MANBA: variants seen among roughly 807,000 people sequenced by gnomAD.
MANBA encodes the protein beta-mannosidase.
Under a neutral mutation model 111.1 loss-of-function variants are expected in MANBA, and 83 were observed. The ratio of observed to expected loss-of-function variants is 0.75; its 90% CI spans 0.63 to 0.90. MANBA has a LOEUF of 0.90. Ranked by LOEUF, MANBA falls within the 40% of genes least tolerant of loss-of-function variation. MANBA has a pLI of 0.00. For missense variants in MANBA, 1,036 were observed against 1,069.0 expected (o/e 0.97, Z 0.43); for synonymous variants, 370 against 378.7 (o/e 0.98, Z 0.27).
At chr4:102,693,525 G>C (rs1732576735) in intron 5 of MANBA, among the ~76,000 whole-genome samples, 1 of 152,140 alleles carries the variant, frequency 6.6e-6, no homozygotes, top group African/African-American at 2.4e-5. Context: ...AGCCCTCACT[G>C]GAAACCAAAT....
intron 1 of MANBA, among the ~76,000 whole-genome samples, chr4:102,747,239 G>T (rs957518438): frequency 2.6e-5 from 4 of 152,012 alleles, no homozygotes; most frequent in Non-Finnish European, 5.9e-5. Flanking sequence ...CCATCTGCAA[G>T]CTGAGAAGCA....
At chr4:102,652,576 G>T (rs548692388) in intron 12 of MANBA, among the ~76,000 whole-genome samples, 1 of 152,078 alleles carries the variant, frequency 6.6e-6, no homozygotes, top group South Asian at 2.1e-4. Flanking sequence ...TTTAAAAAAA[G>T]AATATTAACT....
At chr4:102,760,465 A>C (rs1005539512) in intron 1 of MANBA, among the ~76,000 whole-genome samples, 3 of 152,194 alleles carry the variant, frequency 2.0e-5, no homozygotes, top group African/African-American at 7.2e-5. Flanking sequence ...TAGTAGCAAC[A>C]CTGTTCCCCT....
At chr4:102,713,918 A>G (rs1363063726) in intron 5 of MANBA, among the ~76,000 whole-genome samples, 1 of 151,792 alleles carries the variant, frequency 6.6e-6, no homozygotes, top group Non-Finnish European at 1.5e-5. Context: ...AAAAAAAAGA[A>G]AAGAAAAGAA....
chr4:102,709,398 GAA>G (rs760906813), intron 5 of MANBA, among the ~76,000 whole-genome samples: 1 of 93,916 alleles, frequency 1.1e-5, no homozygotes, highest in African/African-American at 3.3e-5. Flanking sequence ...AAGAAAGAAA[GAA>G]AAAAAAGAAA....
intron 1 of MANBA, among the ~76,000 whole-genome samples, chr4:102,759,109 T>A (rs1724135519): frequency 6.6e-6 from 1 of 151,770 alleles, no homozygotes; most frequent in Admixed American, 6.6e-5. Context: ...AGCCACTCAT[T>A]ATTTCCCATT....
At chr4:102,752,635 G>A (rs1723852405) in intron 1 of MANBA, 2 of 582,250 alleles carry the variant, frequency 3.4e-6, no homozygotes, top group East Asian at 4.5e-5. Context: ...TCCATGTGGG[G>A]GCATGAAAGT....
intron 5 of MANBA, among the ~76,000 whole-genome samples, chr4:102,694,172 T>C (rs1226243122): frequency 6.6e-6 from 1 of 152,138 alleles, no homozygotes; most frequent in Non-Finnish European, 1.5e-5. Flanking sequence ...CTCCAGAGCA[T>C]CACCCGTTAA....
chr4:102,669,559 C>T (rs921706635), intron 9 of MANBA, among the ~76,000 whole-genome samples: 1 of 152,148 alleles, frequency 6.6e-6, no homozygotes, highest in Non-Finnish European at 1.5e-5. Flanking sequence ...AGAACACAGC[C>T]CCTGCTGGGA....
chr4:102,724,051 GA>G, intron 2 of MANBA, 84 bp from the exon 3 acceptor site: 1 of 742,066 alleles, frequency 1.3e-6, no homozygotes, highest in Non-Finnish European at 2.3e-6. Flanking sequence ...AAGGCCTAAA[GA>G]AATAAATATT....
chr4:102,700,628 T>C (rs1578916092), intron 5 of MANBA, among the ~76,000 whole-genome samples: 1 of 152,218 alleles, frequency 6.6e-6, no homozygotes, highest in East Asian at 1.9e-4. Flanking sequence ...CCAGTAGTCA[T>C]TCTGGAGCAG....
At position 102,650,675 on chromosome 4, in the gene MANBA, G is replaced by A. The variant is rs1313300712; in HGVS notation, c.1731C>T (p.Phe577=). The A allele has an allele frequency of 6.2e-7, 1 of 1,613,088 alleles. No individual in the cohort carries two copies. Among genetic ancestry groups the A allele is most frequent in the Non-Finnish European group, 8.5e-7 (1 of 1,179,302 alleles). The change falls in exon 13 of 17, where the codon TTC becomes TTT. Residue 577 remains phenylalanine, a synonymous_variant. Transcript: ENST00000647097. ...EKVSSTEDWS[F]NSKFSLHRQH... is the part of the protein sequence containing the mutation. ...GTCGATGAAGTGAAAACTTGCTATT[G>A]AAAGACCAGTCCTCTGTAGACGAGA...
chr4:102,752,973 T>C (rs767664452), intron 1 of MANBA, among the ~76,000 whole-genome samples: 4 of 152,192 alleles, frequency 2.6e-5, no homozygotes, highest in Non-Finnish European at 4.4e-5. Context: ...GAATATAAGG[T>C]AATAATAAAA....
At chr4:102,694,498 T>A (rs1732620211) in intron 5 of MANBA, among the ~76,000 whole-genome samples, 1 of 152,138 alleles carries the variant, frequency 6.6e-6, no homozygotes, top group Non-Finnish European at 1.5e-5. Context: ...TCTTATAAAT[T>A]AAGCCCCATT....
At chr4:102,743,647 C>T (rs1473495984) in intron 1 of MANBA, among the ~76,000 whole-genome samples, 2 of 152,114 alleles carry the variant, frequency 1.3e-5, no homozygotes, top group East Asian at 1.9e-4. Flanking sequence ...AGGACCTGCT[C>T]GAGCCCAATC....
intron 11 of MANBA, among the ~76,000 whole-genome samples, chr4:102,664,386 T>G (rs891320251): frequency 6.6e-6 from 1 of 151,870 alleles, no homozygotes; most frequent in Non-Finnish European, 1.5e-5. Flanking sequence ...TCTCGCCCTG[T>G]CGCCCAGGCT....
At chr4:102,716,427 T>A (rs1332698505) in intron 4 of MANBA, among the ~76,000 whole-genome samples, 2 of 151,410 alleles carry the variant, frequency 1.3e-5, no homozygotes, top group East Asian at 3.9e-4. Flanking sequence ...AATTCAGAAG[T>A]CCTTGTTTCT....
chr4:102,639,128 C>T (rs1219877887), intron 14 of MANBA, among the ~76,000 whole-genome samples: 3 of 152,196 alleles, frequency 2.0e-5, no homozygotes, highest in African/African-American at 7.2e-5. Context: ...TCACCTGTTG[C>T]TAGTTGAACT....
At chr4:102,753,278 T>TAG (rs199655963) in intron 1 of MANBA, among the ~76,000 whole-genome samples, 2,675 of 152,226 alleles carry the variant, frequency 0.018, 71 homozygotes, top group African/African-American at 0.054. Flanking sequence ...AGATAAACAC[T>TAG]TTTTTACAGT....
Sources: gnomAD v4.1 joint callset for allele counts (sites outside exome capture counted in the v4.1 genomes callset) on GRCh38, gnomAD v4.1.1 for gene constraint, MANE v1.5 for transcripts, NCBI Gene and HGNC (gene_info 2026-07-23, HGNC 2026-07-21) for gene names.